EBF2: variants seen among roughly 807,000 people sequenced by gnomAD.
EBF2 encodes the protein transcription factor COE2.
EBF2 carries 21 observed loss-of-function variants against 72.8 expected under a neutral mutation model. That is an observed-to-expected ratio of 0.29 (90% CI 0.20 to 0.42). EBF2 has a LOEUF of 0.42. Ranked by LOEUF, EBF2 falls within the 10% of genes least tolerant of loss-of-function variation. The probability of loss-of-function intolerance (pLI) is 1.00; values close to 1 mark genes in which losing one functional copy is unlikely to be tolerated. For synonymous variants in EBF2, 299 were observed against 274.2 expected (o/e 1.09, Z -0.89); for missense variants, 637 against 731.2 (o/e 0.87, Z 1.49).
intron 15 of EBF2, among the ~76,000 whole-genome samples, chr8:25,844,864 T>C (rs530219425): frequency 7.9e-5 from 12 of 152,340 alleles, no homozygotes; most frequent in Non-Finnish European, 1.5e-4. Flanking sequence ...GAAACCTTGA[T>C]GAAGTTTTGC....
intron 7 of EBF2, among the ~76,000 whole-genome samples, chr8:25,891,673 G>T (rs1023791842): frequency 2.0e-5 from 3 of 151,828 alleles, no homozygotes; most frequent in Non-Finnish European, 2.9e-5. Context: ...CACCTCCAGG[G>T]TTAAAACAAT....
chr8:25,965,605 TG>T (rs1563194685), intron 6 of EBF2, among the ~76,000 whole-genome samples: 1 of 152,188 alleles, frequency 6.6e-6, no homozygotes, highest in African/African-American at 2.4e-5. Flanking sequence ...ACAGCAGAGA[TG>T]GTACCAACTC....
At chr8:25,986,149 G>A (rs1343017005) in intron 6 of EBF2, among the ~76,000 whole-genome samples, 1 of 152,054 alleles carries the variant, frequency 6.6e-6, no homozygotes, top group Middle Eastern at 3.4e-3. Flanking sequence ...TATACACCAT[G>A]GTTCTTGCCT....
intron 7 of EBF2, among the ~76,000 whole-genome samples, chr8:25,900,800 A>G (rs550317255): frequency 7.4e-4 from 99 of 134,636 alleles, no homozygotes; most frequent in African/African-American, 2.5e-3. Flanking sequence ...ATAAAATAAA[A>G]AATAAAAAAA....
intron 10 of EBF2, among the ~76,000 whole-genome samples, chr8:25,866,785 C>T (rs1182288693): frequency 6.6e-6 from 1 of 150,750 alleles, no homozygotes; most frequent in African/African-American, 2.4e-5. Context: ...GCATGCACCA[C>T]CATGCCTGGC....
intron 6 of EBF2, among the ~76,000 whole-genome samples, chr8:25,969,123 T>C (rs964283204): frequency 6.6e-6 from 1 of 152,222 alleles, no homozygotes; most frequent in Non-Finnish European, 1.5e-5. Flanking sequence ...TCCCCCATAT[T>C]GGAGACACCT....
chr8:25,895,774 A>C (rs1802855465), intron 7 of EBF2, among the ~76,000 whole-genome samples: 1 of 152,198 alleles, frequency 6.6e-6, no homozygotes, highest in South Asian at 2.1e-4. Flanking sequence ...CTGAACAGCT[A>C]ATTTTCCAAT....
At chr8:25,992,824 A>G (rs1490265981) in intron 6 of EBF2, among the ~76,000 whole-genome samples, 3 of 151,594 alleles carry the variant, frequency 2.0e-5, no homozygotes. Context: ...GGATAGCTTG[A>G]GCCCACGGAG....
At chr8:25,997,130 TGTG>T (rs1804646044) in intron 6 of EBF2, among the ~76,000 whole-genome samples, 1 of 152,092 alleles carries the variant, frequency 6.6e-6, no homozygotes, top group Non-Finnish European at 1.5e-5. Context: ...TTGCAGGTGG[TGTG>T]GTGTGGTGTG....
chr8:25,993,763 G>T lies in EBF2; in HGVS notation c.551+39322C>A, dbSNP rs529459996. Among the ~76,000 whole-genome samples the T allele has an allele frequency of 2.0e-5, 3 of 152,110 alleles. No homozygotes were observed. In the South Asian group the frequency reaches 6.2e-4, roughly 32 times the overall value. Reference sequence around the variant, plus strand: ...TACAGTAATATTTTTCTGAGCTGAAGAAATGTATGCAAATTTTAAATGTCC... The same window carrying T: ...TACAGTAATATTTTTCTGAGCTGAATAAATGTATGCAAATTTTAAATGTCC... On this transcript the variant is annotated intron_variant, in intron 6 of 15. Transcript: ENST00000520164.
chr8:25,958,122 C>T (rs781757054), intron 6 of EBF2, among the ~76,000 whole-genome samples: 17 of 152,260 alleles, frequency 1.1e-4, no homozygotes, highest in Non-Finnish European at 2.1e-4. Context: ...AGAGGCATCC[C>T]GGTTATTTCT....
intron 7 of EBF2, among the ~76,000 whole-genome samples, chr8:25,890,969 T>G (rs1184153784): frequency 6.6e-6 from 1 of 152,248 alleles, no homozygotes; most frequent in East Asian, 1.9e-4. Flanking sequence ...TTGCCCATGC[T>G]GGGCTTGACC....
chr8:25,946,076 C>T (rs1803764125), intron 6 of EBF2, among the ~76,000 whole-genome samples: 1 of 152,148 alleles, frequency 6.6e-6, no homozygotes, highest in Non-Finnish European at 1.5e-5. Flanking sequence ...TGGGGAAATG[C>T]CACTGTCAGA....
At chr8:26,000,447 T>A (rs187527575) in intron 6 of EBF2, among the ~76,000 whole-genome samples, 2 of 152,316 alleles carry the variant, frequency 1.3e-5, no homozygotes, top group Admixed American at 1.3e-4. Flanking sequence ...TGATCACCAG[T>A]ACTGAGGCCA....
At position 25,887,965 on chromosome 8, in the gene EBF2, G is replaced by C; in HGVS notation, c.759C>G (p.Pro253=). 6.2e-7 allele frequency: 1 copy of C among 1,609,326 alleles called. No individual in the cohort carries two copies. The highest frequency in any genetic ancestry group is 8.5e-7 in the Non-Finnish European group (1 of 1,178,230). ...CACTCGGGCTAATGGCTTTGATGCAGGGGGTAGCTAAGAAGACAGGAAAGA... is the reference window on the plus strand; with the variant it reads ...CACTCGGGCTAATGGCTTTGATGCACGGGGTAGCTAAGAAGACAGGAAAGA... ...ARRLDPSEAT[P]CIKAISPSEG... is the part of the protein sequence containing the mutation. The change falls in exon 9 of 16, where the codon CCC becomes CCG. Residue 253 remains proline (P), a synonymous_variant. Transcript: ENST00000520164.
At chr8:25,920,807 T>C (rs1483964525) in intron 6 of EBF2, among the ~76,000 whole-genome samples, 1 of 152,166 alleles carries the variant, frequency 6.6e-6, no homozygotes, top group Non-Finnish European at 1.5e-5. Context: ...TAGTTTATTC[T>C]TGTGATTCAG....
chr8:25,844,509 T>G lies in EBF2; in HGVS notation c.*100A>C. ...GACCCAAGGGTGTCCATCATGTTCA[T>G]GTGGGGGCACCACTACACCCCCAAA... On this transcript the variant is annotated 3_prime_UTR_variant, in exon 16 of 16. Transcript: ENST00000520164. The G allele has an allele frequency of 1.5e-6, 2 of 1,373,640 alleles. No individual in the cohort carries two copies. The highest frequency in any genetic ancestry group is 2.4e-5 in the South Asian group (2 of 84,440). 85.1% of individuals were successfully genotyped at this position (1,373,640 alleles called of 1,614,324 possible).
intron 8 of EBF2, among the ~76,000 whole-genome samples, chr8:25,888,936 G>A (rs930689193): frequency 2.0e-5 from 3 of 152,158 alleles, no homozygotes; most frequent in Non-Finnish European, 2.9e-5. Flanking sequence ...CCCTTTCAGT[G>A]CCCACTGTGG....
rs567898805 is a variant in EBF2 at position 25,842,150 on chromosome 8, T to C, written c.*2459A>G. On this transcript the variant is annotated 3_prime_UTR_variant, in exon 16 of 16. Coordinates refer to ENST00000520164, the MANE Select transcript of EBF2 (RefSeq NM_022659.4). ...TTGTAGTTACCAATAGAAATACTCA[T>C]ATTCCAAGTGGCACAAAAATAACTT... 2.0e-5 allele frequency: 3 copies of C among 152,314 alleles called. No individual in the cohort carries two copies. The highest frequency in any genetic ancestry group is 7.2e-5 in the African/African-American group (3 of 41,580). The allele number at this position is 152,314 out of a possible 1,614,324, so 9.4% of individuals were successfully genotyped here. A position where few individuals can be genotyped will look rare whatever the true frequency, so the allele number is the denominator to read the frequency against.
Sources: allele counts gnomAD v4.1 joint callset (sites outside exome capture counted in the v4.1 genomes callset), GRCh38; gene constraint gnomAD v4.1.1; transcripts MANE v1.5; gene names NCBI Gene and HGNC (gene_info 2026-07-23, HGNC 2026-07-21).